The following GRTP1 variants were observed in gnomAD, a reference collection of about 807,000 sequenced individuals.
GRTP1 encodes the protein growth hormone-regulated TBC protein 1.
In GRTP1, 56 loss-of-function variants were observed where a neutral mutation model predicts 38.1. The observed-to-expected ratio is 1.47, with a 90% CI of 1.19 to 1.84. The LOEUF (loss-of-function observed/expected upper bound fraction) is 1.84. GRTP1 is among the 40% of genes most tolerant of loss of function. GRTP1 has a pLI of 0.00. For missense variants in GRTP1, 506 were observed against 453.9 expected (o/e 1.11, Z -1.04); for synonymous variants, 217 against 189.5 (o/e 1.14, Z -1.19).
At chr13:113,326,170 AGAC>A in intron 5 of GRTP1, 79 bp from the exon 6 acceptor site, 1 of 1,552,082 alleles carries the variant, frequency 6.4e-7, no homozygotes, top group Admixed American at 1.8e-5. Context: ...AGCCAGACAA[AGAC>A]AACAGGGCCA....
intron 1 of GRTP1, 39 bp from the exon 2 acceptor site, chr13:113,363,949 T>G: frequency 6.2e-7 from 1 of 1,600,528 alleles, no homozygotes. Context: ...TCCCCGAAGT[T>G]TCCTCTGGGG....
At chr13:113,338,687 A>G (rs987013886) in intron 5 of GRTP1, among the ~76,000 whole-genome samples, 1 of 152,062 alleles carries the variant, frequency 6.6e-6, no homozygotes, top group African/African-American at 2.4e-5. Context: ...TCACTGCCCC[A>G]CGGCAGGGAG....
intron 2 of GRTP1, among the ~76,000 whole-genome samples, chr13:113,358,893 C>T (rs76074949): frequency 0.014 from 2,122 of 152,296 alleles, 55 homozygotes; most frequent in African/African-American, 0.047. Context: ...ACTTGTCACA[C>T]GACCCAGCAA....
Position 113,346,260 on chromosome 13 carries a change from A to AGACCCAGGAGCACCTCTGTGGCAGAGCG in GRTP1, c.466-1302_466-1301insCGCTCTGCCACAGAGGTGCTCCTGGGTC, listed in dbSNP as rs1555317034. On this transcript the variant is annotated intron_variant, in intron 4 of 7. Transcript: ENST00000375431. Reference sequence around the variant, plus strand: ...CGGGAGGACCTCTGTGGCCGAGAGCAGATCCGGGAGGACCTCTGTGGCTGA... The same window carrying AGACCCAGGAGCACCTCTGTGGCAGAGCG: ...CGGGAGGACCTCTGTGGCCGAGAGCAGACCCAGGAGCACCTCTGTGGCAGAGCGGATCCGGGAGGACCTCTGTGGCTGA... 4.8e-5 allele frequency among the ~76,000 whole-genome samples: 3 copies of AGACCCAGGAGCACCTCTGTGGCAGAGCG among 62,726 alleles called. 1 individual carries two copies. Among genetic ancestry groups the AGACCCAGGAGCACCTCTGTGGCAGAGCG allele is most frequent in the Non-Finnish European group, 9.2e-5 (3 of 32,564 alleles). The allele number at this position is 62,726 out of a possible 152,430, so 41.2% of individuals were successfully genotyped here. A position where few individuals can be genotyped will look rare whatever the true frequency, so the allele number is the denominator to read the frequency against.
chr13:113,329,445 G>T (rs1440191649), intron 5 of GRTP1, among the ~76,000 whole-genome samples: 6 of 152,168 alleles, frequency 3.9e-5, no homozygotes, highest in African/African-American at 1.2e-4. Context: ...GGGCGTGGTG[G>T]CCAGCACCTG....
At chr13:113,331,511 T>G (rs2042870504) in intron 5 of GRTP1, among the ~76,000 whole-genome samples, 2 of 152,094 alleles carry the variant, frequency 1.3e-5, no homozygotes, top group Non-Finnish European at 2.9e-5. Context: ...GCACCCCCAC[T>G]GCCCGAGCCA....
intron 7 of GRTP1, chr13:113,325,351 G>C: frequency 1.4e-6 from 2 of 1,423,678 alleles, no homozygotes; most frequent in Non-Finnish European, 1.8e-6. Context: ...GCCAGGTCCA[G>C]GACCCAGTGG....
rs77084892 is a variant in GRTP1 at position 113,344,878 on chromosome 13, C to T, written c.547G>A (p.Gly183Arg). 3 of 1,607,720 alleles carry T rather than the reference C, an allele frequency of 1.9e-6. No individual in the cohort carries two copies. In the African/African-American group the frequency reaches 4.0e-5, roughly 22 times the overall value. ...ESFWLLDALVGRILPDYYSPA... is the reference protein window; with the variant it reads ...ESFWLLDALVRRILPDYYSPA... ...TTCAACATACCTGGTAGTATTCTTC[C>T]AACAAGAGCATCTAACAGCCAAAAA... The change falls in exon 5 of 8, where the codon GGA becomes AGA. Residue 183 changes from glycine to arginine, a missense_variant. By Grantham distance (125) the Gly-to-Arg change is moderately radical (BLOSUM62 -2). Coordinates refer to ENST00000375431, the MANE Select transcript of GRTP1 (RefSeq NM_024719.4).
intron 3 of GRTP1, among the ~76,000 whole-genome samples, chr13:113,354,674 A>G (rs1024488128): frequency 6.6e-6 from 1 of 152,020 alleles, no homozygotes; most frequent in Non-Finnish European, 1.5e-5. Context: ...GATTACAGGC[A>G]TGCGCCACCA....
At chr13:113,358,583 C>T (rs7317038) in intron 2 of GRTP1, among the ~76,000 whole-genome samples, 51,736 of 151,978 alleles carry the variant, frequency 0.34, 9,227 homozygotes, top group East Asian at 0.61. Context: ...TACAGTAAGA[C>T]AGACAACGTG....
chr13:113,364,085 CG>C lies in GRTP1; in HGVS notation c.-35del. 1 of 1,238,742 alleles carries C rather than the reference CG, an allele frequency of 8.1e-7. No homozygotes were observed. The highest frequency in any genetic ancestry group is 1.0e-6 in the Non-Finnish European group (1 of 996,362). 76.7% of individuals were successfully genotyped at this position (1,238,742 alleles called of 1,614,324 possible). A position where few individuals can be genotyped will look rare whatever the true frequency, so the allele number is the denominator to read the frequency against. On this transcript the variant is annotated 5_prime_UTR_variant, in exon 1 of 8. Transcript: ENST00000375431. ...GGAGGCGCGCACCGAGCGAGGCCAG[CG>C]GGTCCCAAGTTCGCCTCCCGGCTCC...
intron 2 of GRTP1, among the ~76,000 whole-genome samples, chr13:113,356,590 A>G (rs1383968599): frequency 6.6e-6 from 1 of 152,210 alleles, no homozygotes; most frequent in Non-Finnish European, 1.5e-5. Context: ...AAAGAAACCA[A>G]TATTTTAAAA....
At chr13:113,363,636 C>T (rs2043541763) in intron 2 of GRTP1, 126 bp downstream of exon 2, 4 of 1,005,802 alleles carry the variant, frequency 4.0e-6, no homozygotes, top group Non-Finnish European at 5.7e-6. Flanking sequence ...GAGCCCGCAG[C>T]TTCGTCCCGA....
At chr13:113,350,417 T>G (rs920126726) in intron 4 of GRTP1, among the ~76,000 whole-genome samples, 2 of 143,032 alleles carry the variant, frequency 1.4e-5, no homozygotes, top group Non-Finnish European at 3.0e-5. Context: ...ATGCACCCCA[T>G]AGCACACACA....
intron 3 of GRTP1, 27 bp from the exon 4 acceptor site, chr13:113,351,000 C>A: frequency 3.7e-6 from 6 of 1,612,230 alleles, no homozygotes; most frequent in Non-Finnish European, 5.1e-6. Context: ...AGGAATCACC[C>A]ACGGGTTTCT....
intron 5 of GRTP1, chr13:113,339,361 A>C (rs2042997131): frequency 1.3e-5 from 2 of 152,230 alleles, no homozygotes; most frequent in South Asian, 4.1e-4. Context: ...TTAAATTTTC[A>C]TGTAATTAAA....
Position 113,325,792 on chromosome 13 carries a change from G to C in GRTP1, c.790C>G (p.Arg264Gly). The C allele has an allele frequency of 6.2e-7, 1 of 1,614,030 alleles. No homozygotes were observed. The highest frequency in any genetic ancestry group is 8.5e-7 in the Non-Finnish European group (1 of 1,179,974). The change falls in exon 7 of 8, where the codon CGG (arginine) becomes GGG (glycine). Residue 264 changes from arginine to glycine, a missense_variant. Arg to Gly is a moderately radical substitution (Grantham distance 125, BLOSUM62 -2). Coordinates refer to ENST00000375431, the MANE Select transcript of GRTP1 (RefSeq NM_024719.4). The stretch of plus-strand genomic sequence containing the variant: ...TGCTTAATTAAGGTCAGGGCCACCC[G>C]GAAGATAATCTTCGAGCCTTCGTTA... ...LFNEGSKIIF[R>G]VALTLIKQHQ... is the part of the protein sequence containing the mutation.
Position 113,342,620 on chromosome 13 carries a change from C to A in GRTP1, c.562+2243G>T, listed in dbSNP as rs988728680. ...AGGATAACAGTGGCACTGAAACGAC[C>A]TAGTTTGGGTAACTATAACTTCGAG... On this transcript the variant is annotated intron_variant, in intron 5 of 7. Transcript: ENST00000375431. The surrounding 1 kb of genome is among the most constrained non-coding windows in gnomAD (Gnocchi z 4.5). 7.3e-6 allele frequency among the ~76,000 whole-genome samples: 1 copy of A among 136,308 alleles called. No individual in the cohort carries two copies. The highest frequency in any genetic ancestry group is 1.6e-5 in the Non-Finnish European group (1 of 63,868). The allele number at this position is 136,308 out of a possible 152,430, so 89.4% of individuals were successfully genotyped here.
intron 5 of GRTP1, among the ~76,000 whole-genome samples, chr13:113,337,608 C>T (rs1393368095): frequency 6.6e-6 from 1 of 152,252 alleles, no homozygotes; most frequent in East Asian, 1.9e-4. Flanking sequence ...ACGGAATAAG[C>T]TCACACTTAA....
Sources: allele counts gnomAD v4.1 joint callset (sites outside exome capture counted in the v4.1 genomes callset), GRCh38; gene constraint gnomAD v4.1.1; non-coding constraint Gnocchi (gnomAD v3.1); transcripts MANE v1.5; gene names NCBI Gene and HGNC (gene_info 2026-07-23, HGNC 2026-07-21).